The following DOCK3 variants were observed in gnomAD, a reference collection of about 807,000 sequenced individuals.
The protein encoded by DOCK3 is dedicator of cytokinesis 3.
In DOCK3, 60 loss-of-function variants were observed where a neutral mutation model predicts 265.6. The observed-to-expected ratio is 0.23, with a 90% CI of 0.18 to 0.28. The LOEUF is 0.28. Ranked by LOEUF, DOCK3 falls within the 10% of genes least tolerant of loss-of-function variation. DOCK3 has a pLI of 1.00. For synonymous variants in DOCK3, 881 were observed against 938.0 expected (o/e 0.94, Z 1.11); for missense variants, 1,981 against 2,594.3 (o/e 0.76, Z 5.14).
chr3:51,250,186 T>G (rs1211225880), intron 22 of DOCK3, among the ~76,000 whole-genome samples: 2 of 150,986 alleles, frequency 1.3e-5, no homozygotes, highest in Non-Finnish European at 3.0e-5. Flanking sequence ...TTTGTTCACT[T>G]GTTTATCTGC....
At chr3:51,007,815 C>A (rs975706439) in intron 5 of DOCK3, among the ~76,000 whole-genome samples, 4 of 152,176 alleles carry the variant, frequency 2.6e-5, no homozygotes, top group East Asian at 1.9e-4. Flanking sequence ...TAAGGAAGGG[C>A]TCCAGTTTCA....
intron 27 of DOCK3, among the ~76,000 whole-genome samples, chr3:51,297,380 G>A (rs576326781): frequency 6.6e-6 from 1 of 152,146 alleles, no homozygotes; most frequent in African/African-American, 2.4e-5. Flanking sequence ...GTGCTTCAAA[G>A]GCTACCATCA....
chr3:50,927,925 C>T (rs150366521), intron 4 of DOCK3, among the ~76,000 whole-genome samples: 3 of 152,150 alleles, frequency 2.0e-5, no homozygotes, highest in African/African-American at 7.2e-5. Context: ...TAGCAGTAGA[C>T]GAGAGTTTTT....
chr3:51,308,777 A>T, intron 27 of DOCK3, among the ~76,000 whole-genome samples: 1 of 151,710 alleles, frequency 6.6e-6, no homozygotes, highest in Non-Finnish European at 1.5e-5. Flanking sequence ...GGGGCTCCTC[A>T]CTTCCCAGTA....
rs1460533168 is a variant in DOCK3, at chr3:50,716,360, T to C, written c.37+41060T>C. On this transcript the variant is annotated intron_variant, in intron 1 of 52. Transcript: ENST00000266037. ...GGCTAACATGGTGAAACCCCATCTC[T>C]ACTAAAAAATACAAAAAATCAGCTG... Among the ~76,000 whole-genome samples the C allele has an allele frequency of 2.0e-5, 3 of 151,954 alleles. No homozygotes were observed. In the East Asian group the frequency reaches 5.8e-4, roughly 29 times the overall value.
At chr3:51,210,239 C>G (rs2089430970) in intron 13 of DOCK3, among the ~76,000 whole-genome samples, 1 of 152,184 alleles carries the variant, frequency 6.6e-6, no homozygotes, top group Non-Finnish European at 1.5e-5. Flanking sequence ...TCTTGCTCCC[C>G]AGAGCGAGCA....
At chr3:50,741,311 A>C (rs1460357916) in intron 1 of DOCK3, among the ~76,000 whole-genome samples, 1 of 151,346 alleles carries the variant, frequency 6.6e-6, no homozygotes, top group African/African-American at 2.4e-5. Flanking sequence ...TTTAGGGTAC[A>C]TGTGCACAAT....
intron 2 of DOCK3, among the ~76,000 whole-genome samples, chr3:50,813,791 A>G (rs1448509055): frequency 1.3e-5 from 2 of 152,186 alleles, no homozygotes; most frequent in African/African-American, 4.8e-5. Flanking sequence ...ATTAATACAA[A>G]CAGACCTCAT....
At chr3:51,219,602 T>C (rs1321164204) in intron 14 of DOCK3, among the ~76,000 whole-genome samples, 1 of 152,228 alleles carries the variant, frequency 6.6e-6, no homozygotes, top group Non-Finnish European at 1.5e-5. Flanking sequence ...ACTGATCAGT[T>C]GCATTCATTG....
At chr3:50,826,405 A>G (rs2044758488) in intron 2 of DOCK3, among the ~76,000 whole-genome samples, 1 of 152,192 alleles carries the variant, frequency 6.6e-6, no homozygotes, top group Admixed American at 6.5e-5. Context: ...CTCCACAACA[A>G]ATGATACGGT....
At chr3:51,128,505 G>A (rs183613937) in intron 9 of DOCK3, among the ~76,000 whole-genome samples, 1 of 152,354 alleles carries the variant, frequency 6.6e-6, no homozygotes, top group African/African-American at 2.4e-5. Context: ...AGCCGTAAAA[G>A]TGAGTGAATT....
chr3:50,789,395 A>C (rs576869703), intron 2 of DOCK3, among the ~76,000 whole-genome samples: 5 of 152,160 alleles, frequency 3.3e-5, no homozygotes, highest in Non-Finnish European at 7.4e-5. Context: ...TGTGGCCTGT[A>C]ATATGATCTA....
chr3:51,165,834 C>T (rs147223603), intron 12 of DOCK3, among the ~76,000 whole-genome samples: 48 of 151,676 alleles, frequency 3.2e-4, no homozygotes, highest in African/African-American at 1.0e-3. Context: ...ATTTTTAATT[C>T]TATACCATTA....
At chr3:50,746,587 T>A (rs1350912383) in intron 1 of DOCK3, among the ~76,000 whole-genome samples, 1 of 152,180 alleles carries the variant, frequency 6.6e-6, no homozygotes, top group Non-Finnish European at 1.5e-5. Context: ...TAAAGAAATC[T>A]GAGGCTGGGT....
chr3:51,312,987 T>G (rs1341608608), intron 31 of DOCK3, 85 bp downstream of exon 31: 12 of 1,284,370 alleles, frequency 9.3e-6, no homozygotes, highest in African/African-American at 1.5e-5. Context: ...TCCCAGGCTT[T>G]ATGAATGTTA....
intron 40 of DOCK3, among the ~76,000 whole-genome samples, chr3:51,351,379 A>C (rs1210167795): frequency 2.0e-5 from 3 of 152,214 alleles, no homozygotes; most frequent in Non-Finnish European, 4.4e-5. Context: ...GCTTGTTATC[A>C]CATCAAAGGT....
intron 12 of DOCK3, among the ~76,000 whole-genome samples, chr3:51,188,191 T>G (rs1249745681): frequency 6.6e-6 from 1 of 152,214 alleles, no homozygotes; most frequent in Non-Finnish European, 1.5e-5. Flanking sequence ...GATGCCCTCA[T>G]ATCTTGGAGG....
intron 4 of DOCK3, among the ~76,000 whole-genome samples, chr3:50,916,991 G>A (rs1393779425): frequency 6.6e-6 from 1 of 151,970 alleles, no homozygotes; most frequent in Non-Finnish European, 1.5e-5. Flanking sequence ...AAGACCTATG[G>A]AATGTAATAA....
At chr3:50,779,695 A>C (rs2041818883) in intron 2 of DOCK3, among the ~76,000 whole-genome samples, 1 of 152,206 alleles carries the variant, frequency 6.6e-6, no homozygotes, top group Non-Finnish European at 1.5e-5. Flanking sequence ...AAATATGTTT[A>C]AATGTAGTTT....
Sources: gnomAD v4.1 joint callset for allele counts (sites outside exome capture counted in the v4.1 genomes callset) on GRCh38, gnomAD v4.1.1 for gene constraint, MANE v1.5 for transcripts, NCBI Gene and HGNC (gene_info 2026-07-23, HGNC 2026-07-21) for gene names.